TMEM132C: variants seen among roughly 807,000 people sequenced by gnomAD.
The protein encoded by TMEM132C is transmembrane protein 132C.
A neutral mutation model predicts 61.4 loss-of-function variants in TMEM132C; 29 were observed. That is an observed-to-expected ratio of 0.47 (90% CI 0.35 to 0.64). TMEM132C has a LOEUF of 0.64. TMEM132C is among the 30% of genes least tolerant of loss of function. The pLI, the probability that TMEM132C is intolerant of heterozygous loss-of-function variation, is 0.00. For synonymous variants in TMEM132C, 656 were observed against 633.1 expected (o/e 1.04, Z -0.54); for missense variants, 1,408 against 1,476.9 (o/e 0.95, Z 0.76).
At chr12:128,294,855 T>C (rs1021226590) in intron 1 of TMEM132C, among the ~76,000 whole-genome samples, 2 of 152,154 alleles carry the variant, frequency 1.3e-5, no homozygotes, top group African/African-American at 4.8e-5. Context: ...ACATGAATTT[T>C]CAAGGAACAA....
At chr12:128,635,906 T>C (rs1954099710) in intron 4 of TMEM132C, among the ~76,000 whole-genome samples, 1 of 152,184 alleles carries the variant, frequency 6.6e-6, no homozygotes, top group Admixed American at 6.5e-5. Flanking sequence ...ATAAGAGTTC[T>C]AAGTGCCACA....
chr12:128,365,469 T>A (rs1036055836), intron 1 of TMEM132C, among the ~76,000 whole-genome samples: 14 of 152,240 alleles, frequency 9.2e-5, no homozygotes, highest in African/African-American at 3.4e-4. Context: ...TTATTGCTAT[T>A]ATTAGCATAC....
Position 128,415,393 on chromosome 12 carries a change from C to A in TMEM132C, c.747C>A (p.Gly249=). Residue 249 remains glycine (G), a synonymous_variant, in exon 2 of 9, where the codon GGC becomes GGA. Transcript: ENST00000435159. The surrounding 1 kb of genome is among the most constrained non-coding windows in gnomAD (Gnocchi z 5.8). ...GDCAGGDFRK[G]NAIRPGKDGL... Reference sequence around the variant, plus strand: ...GTGCCGGGGGTGACTTCAGGAAGGGCAACGCCATCCGTCCAGGAAAGGATG... The same window carrying A: ...GTGCCGGGGGTGACTTCAGGAAGGGAAACGCCATCCGTCCAGGAAAGGATG... The A allele has an allele frequency of 6.5e-7, 1 of 1,550,230 alleles. No homozygotes were observed. The highest frequency in any genetic ancestry group is 1.2e-5 in the South Asian group (1 of 83,824).
intron 1 of TMEM132C, among the ~76,000 whole-genome samples, chr12:128,312,845 C>T (rs1188178628): frequency 1.3e-5 from 2 of 152,226 alleles, no homozygotes; most frequent in East Asian, 3.8e-4. Flanking sequence ...GGCTGATGCA[C>T]ACTCAGTGAA....
At chr12:128,483,034 A>C (rs1453852503) in intron 2 of TMEM132C, among the ~76,000 whole-genome samples, 1 of 151,772 alleles carries the variant, frequency 6.6e-6, no homozygotes, top group African/African-American at 2.4e-5. Flanking sequence ...GCTTGAGCCC[A>C]GCAGTACTGG....
intron 4 of TMEM132C, among the ~76,000 whole-genome samples, chr12:128,646,945 G>A (rs951818623): frequency 6.6e-6 from 1 of 151,010 alleles, no homozygotes; most frequent in East Asian, 2.0e-4. Flanking sequence ...GTGTTTACTG[G>A]AGTCCATCGG....
chr12:128,639,058 GTGATGA>G (rs149350713), intron 4 of TMEM132C, among the ~76,000 whole-genome samples: 1 of 91,306 alleles, frequency 1.1e-5, no homozygotes, highest in African/African-American at 3.8e-5. Context: ...AATGACAATG[GTGATGA>G]TGATGATGGT....
intron 1 of TMEM132C, among the ~76,000 whole-genome samples, chr12:128,389,591 CCAATGTGT>C (rs1463063661): frequency 6.6e-6 from 1 of 152,190 alleles, no homozygotes. Context: ...AGGTGCTCAG[CCAATGTGT>C]TGATCATGGA....
In TMEM132C at chr12:128,268,124, C is replaced by G. The variant is rs528706620; in HGVS notation, c.85+637C>G. On this transcript the variant is annotated intron_variant, in intron 1 of 8. Transcript: ENST00000435159. Reference sequence around the variant, plus strand: ...AAATGAGTCCTTTGCGGTGGGGGAGCGCGGATGGGGAGGTGGGTGCGTCCC... The same window carrying G: ...AAATGAGTCCTTTGCGGTGGGGGAGGGCGGATGGGGAGGTGGGTGCGTCCC... 2.2e-3 allele frequency among the ~76,000 whole-genome samples: 341 copies of G among 152,254 alleles called. 3 individuals are homozygous for G. Among genetic ancestry groups the G allele is most frequent in the African/African-American group, 7.9e-3 (328 of 41,560 alleles).
chr12:128,417,883 G>A (rs1565930162), intron 2 of TMEM132C, among the ~76,000 whole-genome samples: 1 of 152,170 alleles, frequency 6.6e-6, no homozygotes, highest in East Asian at 1.9e-4. Flanking sequence ...CTATGATTTT[G>A]TTTAAAAAGC....
At chr12:128,394,610 A>G (rs888881873) in intron 1 of TMEM132C, among the ~76,000 whole-genome samples, 1 of 152,216 alleles carries the variant, frequency 6.6e-6, no homozygotes, top group African/African-American at 2.4e-5. Context: ...ACAGAAGAAA[A>G]CTAAGAGATG....
chr12:128,489,562 C>CATATTTAT lies in TMEM132C; in HGVS notation c.975-54391_975-54390insTTATATAT, dbSNP rs1555227211. On this transcript the variant is annotated intron_variant, in intron 2 of 8. Transcript: ENST00000435159. ...CCTCCATTATATATTTTTATATGCT[C>CATATTTAT]ATATATATATATATATATATTCTGT... Among the ~76,000 whole-genome samples the CATATTTAT allele has an allele frequency of 7.4e-4, 103 of 138,400 alleles. 1 individual carries two copies. Among genetic ancestry groups the CATATTTAT allele is most frequent in the Middle Eastern group, 7.5e-3 (2 of 268 alleles). 90.8% of individuals were successfully genotyped at this position (138,400 alleles called of 152,430 possible). A position where few individuals can be genotyped will look rare whatever the true frequency, so the allele number is the denominator to read the frequency against.
Position 128,439,619 on chromosome 12 carries a change from T to C in TMEM132C, c.974+23999T>C, listed in dbSNP as rs185148287. Among the ~76,000 whole-genome samples the C allele has an allele frequency of 5.3e-5, 8 of 152,348 alleles. No individual in the cohort carries two copies. In the East Asian group the frequency reaches 1.5e-3, roughly 29 times the overall value. On this transcript the variant is annotated intron_variant, in intron 2 of 8. Coordinates refer to ENST00000435159, the MANE Select transcript of TMEM132C (RefSeq NM_001136103.3). The stretch of plus-strand genomic sequence containing the variant: ...ATTTGTGAAGAAGAACCTTTCTTTT[T>C]TTCAGCAGGATGAAGCAATGATTCA...
chr12:128,369,841 GT>G (rs927664287), intron 1 of TMEM132C, among the ~76,000 whole-genome samples: 1 of 152,144 alleles, frequency 6.6e-6, no homozygotes, highest in African/African-American at 2.4e-5. Flanking sequence ...ACACGTTTTG[GT>G]TCCTCATTTG....
At position 128,630,764 on chromosome 12, in the gene TMEM132C, G is replaced by A. The variant is rs1342329149; in HGVS notation, c.1305+14429G>A. Among the ~76,000 whole-genome samples the A allele has an allele frequency of 6.6e-6, 1 of 152,198 alleles. No individual in the cohort carries two copies. Among genetic ancestry groups the A allele is most frequent in the Non-Finnish European group, 1.5e-5 (1 of 68,038 alleles). On this transcript the variant is annotated intron_variant, in intron 4 of 8. Coordinates refer to ENST00000435159, the MANE Select transcript of TMEM132C (RefSeq NM_001136103.3). This position sits in a 1 kb window ranked among gnomAD's most constrained non-coding sequence, Gnocchi z 4.3. ...TATAATAATGTGTGGGCCGGGCACG[G>A]TGGCTCACGCCTGTAATCCCAGCAC...
chr12:128,340,781 T>TTCTC (rs563629490), intron 1 of TMEM132C, among the ~76,000 whole-genome samples: 27 of 123,364 alleles, frequency 2.2e-4, no homozygotes, highest in East Asian at 6.2e-4. Flanking sequence ...TTTTCTTTCT[T>TTCTC]TCTCTCTCTC....
rs533105253 is a variant in TMEM132C at position 128,400,899 on chromosome 12, G to A, written c.86-13833G>A. Among the ~76,000 whole-genome samples, 192 of 151,596 alleles carry A rather than the reference G, an allele frequency of 1.3e-3. 1 individual carries two copies. The highest frequency in any genetic ancestry group is 4.5e-3 in the African/African-American group (186 of 41,302). ...GCTGATATTACAGGCTTAAGCCACC[G>A]CACCTGCCTGCCCCCCAGCCCCATT... On this transcript the variant is annotated intron_variant, in intron 1 of 8. Coordinates refer to ENST00000435159, the MANE Select transcript of TMEM132C (RefSeq NM_001136103.3).
intron 4 of TMEM132C, among the ~76,000 whole-genome samples, chr12:128,652,625 G>A (rs1190940889): frequency 6.6e-6 from 1 of 152,242 alleles, no homozygotes; most frequent in African/African-American, 2.4e-5. Context: ...CGGGAAACGG[G>A]CCCAGGACAG....
At chr12:128,591,715 C>G (rs1301055239) in intron 3 of TMEM132C, among the ~76,000 whole-genome samples, 1 of 152,130 alleles carries the variant, frequency 6.6e-6, no homozygotes. Flanking sequence ...CCAGCCTGCC[C>G]CATTTGTCTC....
Sources: allele counts gnomAD v4.1 joint callset (sites outside exome capture counted in the v4.1 genomes callset), GRCh38; gene constraint gnomAD v4.1.1; non-coding constraint Gnocchi (gnomAD v3.1); transcripts MANE v1.5; gene names NCBI Gene and HGNC (gene_info 2026-07-23, HGNC 2026-07-21).